NGEF: variants seen among roughly 807,000 people sequenced by gnomAD.
NGEF encodes neuronal guanine nucleotide exchange factor.
In NGEF, 31 loss-of-function variants were observed where a neutral mutation model predicts 80.9. The ratio of observed to expected loss-of-function variants is 0.38; its 90% CI spans 0.29 to 0.52. The LOEUF (loss-of-function observed/expected upper bound fraction) is 0.52. NGEF is among the 20% of genes least tolerant of loss of function. The pLI, the probability that NGEF is intolerant of heterozygous loss-of-function variation, is 0.84. For missense variants in NGEF, 709 were observed against 926.2 expected, an observed-to-expected ratio of 0.77 and a Z score of 3.04; for synonymous variants, 371 against 370.2, an observed-to-expected ratio of 1.00 and a Z score of -0.03.
chr2:232,885,253 AG>A (rs1306051271), intron 10 of NGEF, 26 bp downstream of exon 10: 3 of 1,606,314 alleles, frequency 1.9e-6, no homozygotes, highest in Non-Finnish European at 1.7e-6. Flanking sequence ...GCATGGGCAC[AG>A]GCTCACACCA....
In NGEF at chr2:232,892,505, C is replaced by T. The variant is rs538459341; in HGVS notation, c.1142+393G>A. 3.9e-5 allele frequency among the ~76,000 whole-genome samples: 6 copies of T among 152,318 alleles called. No homozygotes were observed. The highest frequency in any genetic ancestry group is 4.1e-4 in the South Asian group (2 of 4,822). ...GAGGAGCCCCACCGAGGCTCCTTCC[C>T]ATCCTGTCCCTGCCCTTGTCGCTAG... is the stretch of plus-strand genomic sequence containing the variant. On this transcript the variant is annotated intron_variant, in intron 7 of 14. Transcript: ENST00000264051. This position sits in a 1 kb window ranked among gnomAD's most constrained non-coding sequence, Gnocchi z 4.0.
intron 3 of NGEF, among the ~76,000 whole-genome samples, chr2:232,962,230 G>A (rs2344966): frequency 0.79 from 120,786 of 152,266 alleles, 48,510 homozygotes; most frequent in African/African-American, 0.92. Flanking sequence ...AATAGAAGTC[G>A]TGACTATTGA....
At chr2:232,899,617 C>A (rs1692212286) in intron 5 of NGEF, among the ~76,000 whole-genome samples, 1 of 147,668 alleles carries the variant, frequency 6.8e-6, no homozygotes, top group South Asian at 2.1e-4. Context: ...CACTCACACA[C>A]ACATGCTCTC....
intron 3 of NGEF, among the ~76,000 whole-genome samples, chr2:232,941,679 C>T (rs1006667401): frequency 5.9e-5 from 9 of 152,098 alleles, no homozygotes; most frequent in Non-Finnish European, 1.0e-4. Context: ...TCCCTTAATG[C>T]GCATAAATGT....
In NGEF at chr2:232,984,060, G is replaced by A. The variant is rs140152147; in HGVS notation, c.-74-9096C>T. Among the ~76,000 whole-genome samples, 266 of 152,228 alleles carry A rather than the reference G, an allele frequency of 1.7e-3. 1 individual carries two copies. Among genetic ancestry groups the A allele is most frequent in the African/African-American group, 6.1e-3 (253 of 41,538 alleles). ...GGTATGTCAAATGTGAAGAGCATGC[G>A]CTTTCCTGATGCTGGGACAGAAATC... On this transcript the variant is annotated intron_variant, in intron 1 of 14. Coordinates refer to ENST00000264051, the MANE Select transcript of NGEF (RefSeq NM_019850.3).
chr2:233,012,825 G>A (rs1553561706), intron 1 of NGEF: 1 of 470,782 alleles, frequency 2.1e-6, no homozygotes, highest in Non-Finnish European at 4.4e-6. Context: ...AAGAGCGCCT[G>A]GAAGGAGTCC....
chr2:232,938,834 G>A (rs1004802842), intron 3 of NGEF, among the ~76,000 whole-genome samples: 2 of 151,358 alleles, frequency 1.3e-5, no homozygotes, highest in African/African-American at 4.9e-5. Flanking sequence ...TTGCCTAGGT[G>A]CACATAATTT....
chr2:232,928,254 C>CGACCGGGCT (rs1553550736), intron 3 of NGEF: 9 of 752,434 alleles, frequency 1.2e-5, no homozygotes, highest in East Asian at 2.7e-4. Context: ...GGCGGCGGGG[C>CGACCGGGCT]GGGGGCGCCC....
intron 3 of NGEF, among the ~76,000 whole-genome samples, chr2:232,946,130 C>T (rs111992966): frequency 2.6e-5 from 4 of 151,514 alleles, no homozygotes; most frequent in Admixed American, 2.0e-4. Context: ...TAATGGCATT[C>T]GCAGCTACCT....
At chr2:232,906,089 CTGGTCAG>C (rs1374308862) in intron 5 of NGEF, among the ~76,000 whole-genome samples, 5 of 123,010 alleles carry the variant, frequency 4.1e-5, no homozygotes, top group African/African-American at 1.5e-4. Context: ...AGCCCCCCGC[CTGGTCAG>C]CCGTCCCGTC....
intron 3 of NGEF, among the ~76,000 whole-genome samples, chr2:232,968,127 T>C (rs62191841): frequency 0.24 from 32,776 of 139,196 alleles, 4,525 homozygotes; most frequent in Non-Finnish European, 0.31. Context: ...TCGCTCTTGT[T>C]GCCCAGGCTG....
chr2:232,893,418 T>C (rs562215684), intron 6 of NGEF, among the ~76,000 whole-genome samples: 2 of 152,340 alleles, frequency 1.3e-5, no homozygotes, highest in South Asian at 4.1e-4. Context: ...GCAGCGCACA[T>C]GGACATCTAC....
At chr2:233,003,147 C>T (rs1445103814) in intron 1 of NGEF, among the ~76,000 whole-genome samples, 3 of 152,164 alleles carry the variant, frequency 2.0e-5, no homozygotes, top group African/African-American at 7.2e-5. Flanking sequence ...CGTGAATAAC[C>T]CAAACCCTCC....
intron 1 of NGEF, among the ~76,000 whole-genome samples, chr2:232,991,400 T>C: frequency 6.6e-6 from 1 of 151,774 alleles, no homozygotes; most frequent in South Asian, 2.1e-4. Context: ...TCAGCAAAGT[T>C]TCAGAATACA....
At chr2:232,988,386 C>A (rs1198733024) in intron 1 of NGEF, among the ~76,000 whole-genome samples, 1 of 152,174 alleles carries the variant, frequency 6.6e-6, no homozygotes, top group Non-Finnish European at 1.5e-5. Flanking sequence ...ATTTTCAACC[C>A]TGTGCCTCTT....
At chr2:232,943,711 G>C (rs1216881313) in intron 3 of NGEF, among the ~76,000 whole-genome samples, 1 of 150,400 alleles carries the variant, frequency 6.6e-6, no homozygotes. Flanking sequence ...TAGCCAGGTT[G>C]GTCTCAATCT....
chr2:232,901,519 C>T, intron 5 of NGEF: 1 of 871,580 alleles, frequency 1.1e-6, no homozygotes, highest in African/African-American at 1.8e-5. Flanking sequence ...GCAGCTGCGT[C>T]ACCAGGGTGA....
intron 5 of NGEF, among the ~76,000 whole-genome samples, chr2:232,896,905 A>G (rs1574998187): frequency 1.7e-5 from 1 of 57,526 alleles, no homozygotes; most frequent in African/African-American, 7.3e-5. Context: ...GGTGGGGGTA[A>G]GGGTAAAGGT....
At position 232,879,679 on chromosome 2, in the gene NGEF, C is replaced by T. The variant is rs373244789; in HGVS notation, c.1943G>A (p.Gly648Glu). The change falls in exon 15 of 15, where the codon GGG (glycine) becomes GAG (glutamate). Residue 648 changes from glycine (G) to glutamate (E), a missense_variant and splice_region_variant. Gly to Glu is a moderately conservative substitution (Grantham distance 98). Transcript: ENST00000264051. ...GTGCAGACGCTCGCCAAAGATCCAC[C>T]CTGTGCAGGGAGGGGAGGGAGAGAA... is the stretch of plus-strand genomic sequence containing the variant. ...ILNILDKTDD[G>E]WIFGERLHDQ... 1.2e-6 allele frequency: 2 copies of T among 1,609,822 alleles called. No homozygotes were observed. The highest frequency in any genetic ancestry group is 2.7e-5 in the African/African-American group (2 of 74,888).
Sources: allele counts gnomAD v4.1 joint callset (sites outside exome capture counted in the v4.1 genomes callset), GRCh38; gene constraint gnomAD v4.1.1; non-coding constraint Gnocchi (gnomAD v3.1); transcripts MANE v1.5; gene names NCBI Gene and HGNC (gene_info 2026-07-23, HGNC 2026-07-21).